Variants in PVT1 observed in about 807,000 individuals in gnomAD.
PVT1 encodes Pvt1 oncogene, also known as CXCR4/PVT1 fusion.
At chr8:127,994,915 A>T (rs560440155) in intron 4 of PVT1, among the ~76,000 whole-genome samples, 1 of 152,344 alleles carries the variant, frequency 6.6e-6, no homozygotes, top group South Asian at 2.1e-4. Flanking sequence ...CCCAACCCAC[A>T]TTGAAGAGGA....
chr8:128,019,829 A>ATGCTGTG (rs2130051661), intron 4 of PVT1, among the ~76,000 whole-genome samples: 1 of 152,318 alleles, frequency 6.6e-6, no homozygotes, highest in African/African-American at 2.4e-5. Flanking sequence ...AGCTCCTGCA[A>ATGCTGTG]TGCTGTGCAC....
At position 127,898,797 on chromosome 8, in the gene PVT1, C is replaced by T. The variant is rs978468583; in HGVS notation, n.782+7799C>T. ...TAAAATAGTGGCCACACGCTGATAG[C>T]TGGATTTCCAGTGCAGTTGCTGGGG... On this transcript the variant is annotated intron_variant and non_coding_transcript_variant, in intron 3 of 10. Transcript: ENST00000651587. This position sits in a 1 kb window ranked among gnomAD's most constrained non-coding sequence, Gnocchi z 4.4. Among the ~76,000 whole-genome samples, 10 of 152,198 alleles carry T rather than the reference C, an allele frequency of 6.6e-5. No homozygotes were observed. The highest frequency in any genetic ancestry group is 1.4e-4 in the African/African-American group (6 of 41,454).
intron 4 of PVT1, among the ~76,000 whole-genome samples, chr8:128,033,925 C>G (rs1045909989): frequency 1.6e-4 from 24 of 152,156 alleles, no homozygotes; most frequent in African/African-American, 5.8e-4. Context: ...CTTGCTTTCC[C>G]ATGTTAAGAA....
intron 4 of PVT1, among the ~76,000 whole-genome samples, chr8:127,997,755 T>C (rs1445176072): frequency 2.0e-5 from 3 of 152,228 alleles, no homozygotes; most frequent in Non-Finnish European, 2.9e-5. Flanking sequence ...TGGACCAATA[T>C]TGATACATTA....
Position 127,911,975 on chromosome 8 carries a change from G to C in PVT1, n.782+20977G>C, listed in dbSNP as rs576540556. Among the ~76,000 whole-genome samples, 4 of 152,328 alleles carry C rather than the reference G, an allele frequency of 2.6e-5. No individual in the cohort carries two copies. The South Asian group carries it at 8.3e-4, about 32-fold the overall frequency. On this transcript the variant is annotated intron_variant and non_coding_transcript_variant, in intron 3 of 10. Coordinates refer to ENST00000651587, the Ensembl canonical transcript of PVT1. Reference sequence around the variant, plus strand: ...TAAAGAATGGGTGTGGCTCAGTGTGGGGAAGTTGGTGGATGGGGAGAGGGC... The same window carrying C: ...TAAAGAATGGGTGTGGCTCAGTGTGCGGAAGTTGGTGGATGGGGAGAGGGC...
chr8:128,041,496 GGTATGT>G (rs1813542448), intron 4 of PVT1, among the ~76,000 whole-genome samples: 1 of 147,966 alleles, frequency 6.8e-6, no homozygotes, highest in Non-Finnish European at 1.5e-5. Flanking sequence ...GTATGTGTTT[GGTATGT>G]GTGTGTGTGT....
chr8:127,951,880 A>C (rs1816509565), intron 3 of PVT1, among the ~76,000 whole-genome samples: 1 of 150,078 alleles, frequency 6.7e-6, no homozygotes, highest in Admixed American at 6.6e-5. Flanking sequence ...CAGTGGCATG[A>C]TCTCGGCTTA....
intron 4 of PVT1, among the ~76,000 whole-genome samples, chr8:127,994,949 G>T (rs76186332): frequency 0.019 from 2,926 of 152,334 alleles, 42 homozygotes; most frequent in South Asian, 0.035. Context: ...TCAGTCTCCT[G>T]GTTGAAGTGA....
chr8:127,821,188 G>A (rs776660841), intron 2 of PVT1, among the ~76,000 whole-genome samples: 18 of 152,166 alleles, frequency 1.2e-4, no homozygotes, highest in Non-Finnish European at 2.6e-4. Context: ...CATTTTTAAC[G>A]TGGGGACACT....
intron 3 of PVT1, among the ~76,000 whole-genome samples, chr8:127,941,103 TG>T (rs1177455816): frequency 6.6e-6 from 1 of 152,246 alleles, no homozygotes; most frequent in Non-Finnish European, 1.5e-5. Context: ...ATTGAGCTTC[TG>T]GAAGCCTCCT....
At chr8:127,972,242 A>G (rs1054251240) in intron 3 of PVT1, among the ~76,000 whole-genome samples, 2 of 152,232 alleles carry the variant, frequency 1.3e-5, no homozygotes, top group African/African-American at 4.8e-5. Flanking sequence ...GGTGCTTCCC[A>G]GTGGCCTCCG....
intron 2 of PVT1, among the ~76,000 whole-genome samples, chr8:127,864,908 C>T (rs75770772): frequency 6.6e-6 from 1 of 152,276 alleles, no homozygotes; most frequent in Admixed American, 6.5e-5. Flanking sequence ...GATAGAGGTC[C>T]TCTTGCCTAC....
At chr8:128,009,717 A>G (rs2130033312) in intron 4 of PVT1, 1 of 152,358 alleles carries the variant, frequency 6.6e-6, no homozygotes, top group South Asian at 2.1e-4. Flanking sequence ...TGAGCTGAGC[A>G]GGTAAATAAT....
At chr8:127,889,035 T>TCCTTCCTTC (rs1554594526) in intron 2 of PVT1, among the ~76,000 whole-genome samples, 1,126 of 100,352 alleles carry the variant, frequency 0.011, 30 homozygotes, top group East Asian at 0.045. Flanking sequence ...TTTCTCTCTT[T>TCCTTCCTTC]CTTTCTTCCT....
chr8:128,004,821 C>A (rs925608166), intron 4 of PVT1, among the ~76,000 whole-genome samples: 21 of 152,284 alleles, frequency 1.4e-4, no homozygotes, highest in African/African-American at 5.1e-4. Context: ...GCGAAGTCCA[C>A]ATAAAGTGAC....
At chr8:127,800,666 T>A (rs1586385068) in intron 2 of PVT1, among the ~76,000 whole-genome samples, 1 of 152,168 alleles carries the variant, frequency 6.6e-6, no homozygotes, top group East Asian at 1.9e-4. Flanking sequence ...TATGTCTCTC[T>A]TCTCCCACTA....
chr8:127,888,300 C>A (rs73357057), intron 2 of PVT1, among the ~76,000 whole-genome samples: 1,920 of 152,096 alleles, frequency 0.013, 47 homozygotes, highest in African/African-American at 0.043. Flanking sequence ...CTTCACTAGC[C>A]GCTGCAAGTG....
intron 2 of PVT1, among the ~76,000 whole-genome samples, chr8:127,873,699 C>A (rs1815376227): frequency 6.6e-6 from 1 of 152,156 alleles, no homozygotes; most frequent in Admixed American, 6.5e-5. Flanking sequence ...AGGCAGGGTG[C>A]AAATGTGCTA....
intron 2 of PVT1, among the ~76,000 whole-genome samples, chr8:127,809,052 A>AGG (rs1554588312): frequency 7.4e-6 from 1 of 135,030 alleles, no homozygotes; most frequent in Non-Finnish European, 1.5e-5. Flanking sequence ...AAAAAAAAAA[A>AGG]AAAGAAAGAA....
Sources: gnomAD v4.1 joint callset for allele counts (sites outside exome capture counted in the v4.1 genomes callset) on GRCh38, gnomAD v4.1.1 for gene constraint, Gnocchi (gnomAD v3.1) non-coding constraint, MANE v1.5 for transcripts, NCBI Gene and HGNC (gene_info 2026-07-23, HGNC 2026-07-21) for gene names.